Variants in C13orf42 observed in about 807,000 individuals in gnomAD.
C13orf42 encodes the protein chromosome 13 open reading frame 42.
chr13:51,091,756 A>G (rs1214749968), intron 1 of C13orf42, among the ~76,000 whole-genome samples: 1 of 152,170 alleles, frequency 6.6e-6, no homozygotes, highest in Non-Finnish European at 1.5e-5. Context: ...TCTCCACCTC[A>G]ATGACTGGTT....
intron 1 of C13orf42, among the ~76,000 whole-genome samples, chr13:51,157,155 C>G (rs1480879629): frequency 1.3e-5 from 2 of 152,186 alleles, no homozygotes; most frequent in Non-Finnish European, 2.9e-5. Context: ...CCACACTGGC[C>G]AGGAGCGGTG....
intron 1 of C13orf42, among the ~76,000 whole-genome samples, chr13:51,157,629 T>C (rs996247209): frequency 1.3e-5 from 2 of 152,146 alleles, no homozygotes; most frequent in African/African-American, 4.8e-5. Flanking sequence ...GTGAGCTATT[T>C]GTGGCCAGCG....
rs7986573 is a variant in C13orf42 at position 51,146,642 on chromosome 13, T to C, written n.136+25611A>G. ...ACAACTTGAAGCAAAGGACTCACAG[T>C]GGGGAGGGGGCTTCCAGGTCTTTGG... On this transcript the variant is annotated intron_variant and non_coding_transcript_variant, in intron 1 of 4. Coordinates refer to the C13orf42 transcript ENST00000433280. Among the ~76,000 whole-genome samples the C allele has an allele frequency of 4.6e-3, 702 of 152,092 alleles. 9 individuals are homozygous for C. The highest frequency in any genetic ancestry group is 0.016 in the African/African-American group (672 of 41,508).
chr13:51,161,994 C>T (rs1953868489), intron 1 of C13orf42: 1 of 421,382 alleles, frequency 2.4e-6, no homozygotes, highest in African/African-American at 2.0e-5. Flanking sequence ...TAGATCTTGT[C>T]CATGCCAAAC....
chr13:51,113,108 A>C (rs1953451218), upstream of C13orf42: 3 of 152,256 alleles, frequency 2.0e-5, no homozygotes. Context: ...GTCTACCTCC[A>C]TATCCAGAAT....
intron 1 of C13orf42, among the ~76,000 whole-genome samples, chr13:51,093,982 A>G (rs1953207364): frequency 6.6e-6 from 1 of 152,170 alleles, no homozygotes; most frequent in African/African-American, 2.4e-5. Context: ...GTATTATTTA[A>G]AATTCATGTA....
chr13:51,156,066 G>C (rs989339185), intron 1 of C13orf42, among the ~76,000 whole-genome samples: 26 of 152,140 alleles, frequency 1.7e-4, no homozygotes, highest in African/African-American at 5.8e-4. Context: ...CGGGTGGCAG[G>C]AGAGATCTGG....
chr13:51,108,175 G>A (rs928995804), intron 1 of C13orf42, among the ~76,000 whole-genome samples: 1 of 152,160 alleles, frequency 6.6e-6, no homozygotes, highest in Admixed American at 6.5e-5. Flanking sequence ...GGGATTAGGG[G>A]CCCACCCTAC....
chr13:51,154,305 T>C (rs1953808292), intron 1 of C13orf42, among the ~76,000 whole-genome samples: 1 of 152,254 alleles, frequency 6.6e-6, no homozygotes, highest in African/African-American at 2.4e-5. Flanking sequence ...GGTATGCAAC[T>C]ATCTCTTTGA....
At chr13:51,164,573 T>C (rs1311405971) in intron 1 of C13orf42, among the ~76,000 whole-genome samples, 1 of 152,136 alleles carries the variant, frequency 6.6e-6, no homozygotes, top group Non-Finnish European at 1.5e-5. Context: ...AGTAGGAGGA[T>C]TCCTTGAACC....
chr13:51,119,457 T>C (rs1392522527), intron 1 of C13orf42, among the ~76,000 whole-genome samples: 1 of 152,098 alleles, frequency 6.6e-6, no homozygotes, highest in Non-Finnish European at 1.5e-5. Flanking sequence ...CCTGCTGCCA[T>C]GGCGTACAGA....
Position 51,111,142 on chromosome 13 carries a change from A to T in C13orf42, c.68T>A (p.Phe23Tyr), listed in dbSNP as rs1377502510. The change falls in exon 1 of 4, where the codon TTC becomes TAC. Residue 23 changes from phenylalanine (F) to tyrosine (Y), a missense_variant. Physicochemically the swap from Phe to Tyr is conservative, Grantham distance 22 (BLOSUM62 3). Coordinates refer to ENST00000563710, the MANE Select transcript of C13orf42 (RefSeq NM_001351589.3). ...PQRKTAAESPFYEGASPAVKL... is the reference protein window; with the variant it reads ...PQRKTAAESPYYEGASPAVKL... ...CACTGCGGGGCTGGCTCCTTCGTAG[A>T]AGGGGCTCTCGGCCGCCGTCTTTCT... 1 of 398,466 alleles carries T rather than the reference A, an allele frequency of 2.5e-6. No individual in the cohort carries two copies. Among genetic ancestry groups the T allele is most frequent in the African/African-American group, 2.1e-5 (1 of 48,628 alleles). The allele number at this position is 398,466 out of a possible 1,614,324, so 24.7% of individuals were successfully genotyped here. A position where few individuals can be genotyped will look rare whatever the true frequency, so the allele number is the denominator to read the frequency against.
intron 1 of C13orf42, among the ~76,000 whole-genome samples, chr13:51,130,176 C>T (rs557735271): frequency 6.6e-6 from 1 of 152,280 alleles, no homozygotes; most frequent in Admixed American, 6.5e-5. Context: ...GAAATAAAAA[C>T]AGCCTTAAAG....
intron 1 of C13orf42, among the ~76,000 whole-genome samples, chr13:51,140,628 T>A (rs955977107): frequency 1.3e-5 from 2 of 152,206 alleles, no homozygotes; most frequent in Non-Finnish European, 2.9e-5. Context: ...TAGGTTGAGA[T>A]CTAAAGTTTA....
At chr13:51,123,344 T>G (rs1343942512) in intron 1 of C13orf42, among the ~76,000 whole-genome samples, 1 of 152,246 alleles carries the variant, frequency 6.6e-6, no homozygotes, top group Non-Finnish European at 1.5e-5. Context: ...GACCCAAGCT[T>G]CATCTCAACA....
intron 3 of C13orf42, 98 bp from the exon 4 acceptor site, chr13:51,084,423 A>C: frequency 2.5e-6 from 1 of 397,054 alleles, no homozygotes; most frequent in Non-Finnish European, 4.4e-6. Flanking sequence ...GGAGACCCTC[A>C]GATTGCTGCC....
intron 2 of C13orf42, among the ~76,000 whole-genome samples, chr13:51,086,913 ACCCAATTTGAAACCC>A (rs966999235): frequency 6.6e-6 from 1 of 152,130 alleles, no homozygotes; most frequent in African/African-American, 2.4e-5. Flanking sequence ...ACTGCAAAGA[ACCCAATTTGAAACCC>A]CAAATCCCAC....
chr13:51,113,632 A>C (rs1324961027), upstream of C13orf42, among the ~76,000 whole-genome samples: 1 of 151,610 alleles, frequency 6.6e-6, no homozygotes, highest in Non-Finnish European at 1.5e-5. Flanking sequence ...GGGTCTTGCT[A>C]TGTTGCCCAG....
intron 1 of C13orf42, among the ~76,000 whole-genome samples, chr13:51,108,218 T>G (rs1005905213): frequency 6.6e-6 from 1 of 152,238 alleles, no homozygotes; most frequent in Non-Finnish European, 1.5e-5. Context: ...TAATTACATC[T>G]GCAATCACCT....
Sources: allele counts gnomAD v4.1 joint callset (sites outside exome capture counted in the v4.1 genomes callset), GRCh38; gene constraint gnomAD v4.1.1; transcripts MANE v1.5; gene names NCBI Gene and HGNC (gene_info 2026-07-23, HGNC 2026-07-21).